The following USH2A variants were observed in gnomAD, a reference collection of about 807,000 sequenced individuals.
USH2A encodes usherin, also known as Usher syndrome 2A (autosomal recessive, mild).
USH2A carries 443 observed loss-of-function variants against 538.9 expected under a neutral mutation model. The observed-to-expected ratio is 0.82, with a 90% CI of 0.76 to 0.89. USH2A has a LOEUF of 0.89. Among genes scored for constraint, USH2A ranks in the 40% least tolerant of loss-of-function variants. The probability of loss-of-function intolerance (pLI) is 0.00; values close to 1 mark genes in which losing one functional copy is unlikely to be tolerated. For missense variants in USH2A, 6,633 were observed against 6,324.8 expected (o/e 1.05, Z -1.65); for synonymous variants, 2,413 against 2,273.5 (o/e 1.06, Z -1.75).
In USH2A at chr1:215,622,923, C is replaced by CTT. The variant is rs1354854429; in HGVS notation, c.*2857_*2858insAA. ...ACATTCAAATATTTATTAAGCAAAC[C>CTT]ATCTTTAGATTAGTTTACATGATAT... On this transcript the variant is annotated 3_prime_UTR_variant, in exon 72 of 72. Transcript: ENST00000307340. 1 of 151,898 alleles carries CTT rather than the reference C, an allele frequency of 6.6e-6. No homozygotes were observed. The highest frequency in any genetic ancestry group is 1.5e-5 in the Non-Finnish European group (1 of 67,962). The allele number at this position is 151,898 out of a possible 1,614,324, so 9.4% of individuals were successfully genotyped here.
At chr1:215,956,042 T>C (rs1667059940) in intron 37 of USH2A, among the ~76,000 whole-genome samples, 1 of 152,158 alleles carries the variant, frequency 6.6e-6, no homozygotes, top group South Asian at 2.1e-4. Flanking sequence ...TTTTTTTCTA[T>C]TTCTCTGTGT....
At chr1:216,290,250 TAATC>T (rs1379105604) in intron 10 of USH2A, among the ~76,000 whole-genome samples, 1 of 152,072 alleles carries the variant, frequency 6.6e-6, no homozygotes, top group Non-Finnish European at 1.5e-5. Context: ...ACTACAGAAA[TAATC>T]AATAATCAAT....
chr1:216,115,353 C>G (rs900101997), intron 21 of USH2A, among the ~76,000 whole-genome samples: 1 of 152,100 alleles, frequency 6.6e-6, no homozygotes, highest in Non-Finnish European at 1.5e-5. Context: ...ACCACAGTGC[C>G]CAGGCTGGTC....
At chr1:216,342,759 T>G (rs947461142) in intron 4 of USH2A, among the ~76,000 whole-genome samples, 4 of 152,006 alleles carry the variant, frequency 2.6e-5, no homozygotes, top group African/African-American at 9.7e-5. Flanking sequence ...ACACCACATG[T>G]TCTCACTCAT....
chr1:216,034,819 T>G (rs1241518552), intron 32 of USH2A, among the ~76,000 whole-genome samples: 1 of 152,162 alleles, frequency 6.6e-6, no homozygotes, highest in African/African-American at 2.4e-5. Flanking sequence ...ATACCTTCAT[T>G]TCAAACTTCT....
chr1:215,920,443 T>C (rs747449988), intron 38 of USH2A, among the ~76,000 whole-genome samples: 14 of 152,074 alleles, frequency 9.2e-5, no homozygotes, highest in Non-Finnish European at 1.8e-4. Context: ...AACTGAATAG[T>C]GATAAGCTTA....
At chr1:215,702,297 T>G (rs191707539) in intron 61 of USH2A, among the ~76,000 whole-genome samples, 1 of 152,312 alleles carries the variant, frequency 6.6e-6, no homozygotes, top group African/African-American at 2.4e-5. Flanking sequence ...ATTACGTGTC[T>G]TGGGGTTGCT....
rs1489618029 is a variant in USH2A at position 216,325,225 on chromosome 1, T to C, written c.1143+80A>G. ...AGAACTGTTAGGGAATATATTTCTGTTGTTTTAAGACATGAAGTTTGTGGG... is the reference window on the plus strand; with the variant it reads ...AGAACTGTTAGGGAATATATTTCTGCTGTTTTAAGACATGAAGTTTGTGGG... On this transcript the variant is annotated intron_variant, in intron 6 of 71. Transcript: ENST00000307340. The C allele has an allele frequency of 3.4e-6, 5 of 1,455,218 alleles. No individual in the cohort carries two copies. The African/African-American group carries it at 4.2e-5, about 12-fold the overall frequency. The allele number at this position is 1,455,218 out of a possible 1,614,324, so 90.1% of individuals were successfully genotyped here.
At chr1:215,876,341 A>G (rs1005250150) in intron 43 of USH2A, among the ~76,000 whole-genome samples, 5 of 152,186 alleles carry the variant, frequency 3.3e-5, no homozygotes, top group Admixed American at 3.3e-4. Flanking sequence ...AGAATCTTAC[A>G]AGAACTAGGA....
chr1:216,109,210 C>G (rs1285586347), intron 21 of USH2A, among the ~76,000 whole-genome samples: 1 of 152,154 alleles, frequency 6.6e-6, no homozygotes, highest in African/African-American at 2.4e-5. Context: ...TAGCAAAATT[C>G]AAGTGTGGAG....
chr1:216,032,385 C>T (rs1669148470), intron 32 of USH2A, among the ~76,000 whole-genome samples: 1 of 152,122 alleles, frequency 6.6e-6, no homozygotes, highest in African/African-American at 2.4e-5. Flanking sequence ...AAAGTAGGTA[C>T]TGTTGTTACC....
chr1:216,204,789 G>A (rs1204245501), intron 16 of USH2A, among the ~76,000 whole-genome samples: 1 of 152,110 alleles, frequency 6.6e-6, no homozygotes, highest in African/African-American at 2.4e-5. Flanking sequence ...ATGATACAAA[G>A]TTCTGACAGT....
chr1:215,948,983 C>T (rs17025699), intron 37 of USH2A, among the ~76,000 whole-genome samples: 4,890 of 152,114 alleles, frequency 0.032, 124 homozygotes, highest in South Asian at 0.084. Context: ...TGTCTGTTAA[C>T]GTGTTATATC....
At chr1:216,005,389 T>A (rs1263108985) in intron 32 of USH2A, among the ~76,000 whole-genome samples, 1 of 152,212 alleles carries the variant, frequency 6.6e-6, no homozygotes, top group Non-Finnish European at 1.5e-5. Context: ...TTTTCATTTA[T>A]ATCTTGATAT....
Position 216,316,763 on chromosome 1 carries a change from G to A in USH2A, c.1644+5120C>T, listed in dbSNP as rs529119860. 3.6e-4 allele frequency among the ~76,000 whole-genome samples: 55 copies of A among 152,066 alleles called. No homozygotes were observed. In the South Asian group the frequency reaches 9.3e-3, roughly 26 times the overall value. On this transcript the variant is annotated intron_variant, in intron 9 of 71. Coordinates refer to ENST00000307340, the MANE Select transcript of USH2A (RefSeq NM_206933.4). ...AGTGATGCTGAGCTTTTTTTCATAC[G>A]TTTGTTGGCCACACATATGTCTTCT...
intron 3 of USH2A, among the ~76,000 whole-genome samples, chr1:216,382,808 C>T (rs942519492): frequency 7.9e-5 from 12 of 151,832 alleles, no homozygotes; most frequent in Non-Finnish European, 1.3e-4. Flanking sequence ...AGTTGATGAA[C>T]GAATGGACAC....
intron 21 of USH2A, among the ~76,000 whole-genome samples, chr1:216,109,901 A>C (rs1483478985): frequency 3.9e-5 from 6 of 152,188 alleles, no homozygotes. Flanking sequence ...ATTTATCTAC[A>C]TATTTGTTCA....
intron 3 of USH2A, among the ~76,000 whole-genome samples, chr1:216,381,944 G>A (rs73100674): frequency 0.011 from 1,668 of 152,222 alleles, 17 homozygotes; most frequent in East Asian, 0.035. Flanking sequence ...TGTTTAGCTC[G>A]AAAAAATTCA....
intron 55 of USH2A, among the ~76,000 whole-genome samples, chr1:215,777,406 T>C (rs1186996295): frequency 1.3e-5 from 2 of 152,202 alleles, no homozygotes; most frequent in African/African-American, 4.8e-5. Flanking sequence ...TGCAAACCAA[T>C]AAAGTAGCAA....
Sources: allele counts gnomAD v4.1 joint callset (sites outside exome capture counted in the v4.1 genomes callset), GRCh38; gene constraint gnomAD v4.1.1; transcripts MANE v1.5; gene names NCBI Gene and HGNC (gene_info 2026-07-23, HGNC 2026-07-21).